The following PCMTD1 variants were observed in gnomAD, a reference collection of about 807,000 sequenced individuals.
The protein encoded by PCMTD1 is protein-L-isoaspartate O-methyltransferase domain-containing protein 1.
A neutral mutation model predicts 37.6 loss-of-function variants in PCMTD1; 12 were observed. That is an observed-to-expected ratio of 0.32 (90% confidence interval 0.20 to 0.52). PCMTD1 has a LOEUF of 0.52. Among genes scored for constraint, PCMTD1 ranks in the 20% least tolerant of loss-of-function variants. The pLI is 0.97. For missense variants in PCMTD1, 235 were observed against 421.3 expected (o/e 0.56, Z 3.87); for synonymous variants, 117 against 135.8 (o/e 0.86, Z 0.96).
At chr8:51,850,016 A>G (rs1466440735) in intron 2 of PCMTD1, 2 of 700,220 alleles carry the variant, frequency 2.9e-6, no homozygotes, top group Admixed American at 4.0e-5. Flanking sequence ...AGTACTTCAC[A>G]ATACATAAAG....
In PCMTD1 at chr8:51,861,075, G is replaced by GTA; in HGVS notation, c.75_76dup (p.Thr26IlefsTer30). On this transcript the variant is annotated frameshift_variant, in exon 2 of 6. Coordinates refer to ENST00000522514, the MANE Select transcript of PCMTD1 (RefSeq NM_052937.4). LOFTEE classifies it high-confidence loss of function. Reference sequence around the variant, plus strand: ...TCTGAAGGCTTGCTCCACTCTTTCAGTACGAATATACTGAGCTTCTTTTAA... The same window carrying GTA: ...TCTGAAGGCTTGCTCCACTCTTTCAGTATACGAATATACTGAGCTTCTTTTAA... 2 of 1,614,062 alleles carry GTA rather than the reference G, an allele frequency of 1.2e-6. No homozygotes were observed. The highest frequency in any genetic ancestry group is 1.7e-6 in the Non-Finnish European group (2 of 1,180,002).
At position 51,875,630 on chromosome 8, in the gene PCMTD1, G is replaced by A. The variant is rs373338707; in HGVS notation, c.-95-14384C>T. Among the ~76,000 whole-genome samples the A allele has an allele frequency of 8.3e-4, 126 of 152,236 alleles. 1 individual carries two copies. Among genetic ancestry groups the A allele is most frequent in the African/African-American group, 2.6e-3 (109 of 41,552 alleles). On this transcript the variant is annotated intron_variant, in intron 1 of 5. Transcript: ENST00000522514. ...TTTTCAACATAAATAAAAATTACAC[G>A]TAAGTAAAGGATCATATAGTGTGGG...
rs534394965 is a variant in PCMTD1 at position 51,878,680 on chromosome 8, T to C, written c.-95-17434A>G. ...AGGATGATCCCTTGAGCCCAAGAGG[T>C]GAAGGCTGCAGCAAGCTGTGATCAC... is the stretch of plus-strand genomic sequence containing the variant. On this transcript the variant is annotated intron_variant, in intron 1 of 5. Transcript: ENST00000522514. Among the ~76,000 whole-genome samples, 4 of 152,170 alleles carry C rather than the reference T, an allele frequency of 2.6e-5. No homozygotes were observed. In the East Asian group the frequency reaches 7.7e-4, roughly 29 times the overall value.
At chr8:51,855,349 G>A (rs528773954) in intron 2 of PCMTD1, among the ~76,000 whole-genome samples, 126 of 148,076 alleles carry the variant, frequency 8.5e-4, no homozygotes, top group African/African-American at 3.0e-3. Context: ...CCAACATGGC[G>A]AAACCCCGTC....
chr8:51,894,084 C>T (rs2038969730), intron 1 of PCMTD1, among the ~76,000 whole-genome samples: 1 of 152,100 alleles, frequency 6.6e-6, no homozygotes, highest in African/African-American at 2.4e-5. Flanking sequence ...CTGTACTACA[C>T]AGACTGGGAG....
At chr8:51,881,400 G>A (rs2129292254) in intron 1 of PCMTD1, among the ~76,000 whole-genome samples, 1 of 152,222 alleles carries the variant, frequency 6.6e-6, no homozygotes, top group Middle Eastern at 3.4e-3. Flanking sequence ...CTCAAGACTA[G>A]GCTCCACAAG....
chr8:51,859,115 A>G (rs1032153541), intron 2 of PCMTD1, among the ~76,000 whole-genome samples: 1 of 152,184 alleles, frequency 6.6e-6, no homozygotes, highest in African/African-American at 2.4e-5. Flanking sequence ...GTTGGCACAT[A>G]CTAGAGAAGG....
chr8:51,821,791 C>CAGT (rs2037852350), intron 5 of PCMTD1, among the ~76,000 whole-genome samples: 1 of 150,224 alleles, frequency 6.7e-6, no homozygotes, highest in Non-Finnish European at 1.5e-5. Context: ...GGCTGGAGTG[C>CAGT]AGTGGCGTGA....
chr8:51,849,718 TA>T (rs1423738544), intron 2 of PCMTD1: 3 of 203,412 alleles, frequency 1.5e-5, no homozygotes, highest in Non-Finnish European at 3.0e-5. Flanking sequence ...TAATTGGATC[TA>T]ATCTAGTTCA....
chr8:51,847,867 T>TA (rs541488653), intron 2 of PCMTD1, among the ~76,000 whole-genome samples: 200 of 152,010 alleles, frequency 1.3e-3, no homozygotes, highest in African/African-American at 4.4e-3. Context: ...TGCTTGAGCC[T>TA]AGGACTTCGA....
At chr8:51,872,416 A>G (rs965292445) in intron 1 of PCMTD1, among the ~76,000 whole-genome samples, 1 of 152,204 alleles carries the variant, frequency 6.6e-6, no homozygotes, top group African/African-American at 2.4e-5. Context: ...GAAGTGCTAC[A>G]CTAACCATCC....
chr8:51,833,390 G>A (rs1378024765), intron 4 of PCMTD1, 128 bp downstream of exon 4: 2 of 687,974 alleles, frequency 2.9e-6, no homozygotes. Flanking sequence ...AAACAAATAA[G>A]ATAAATCTGG....
chr8:51,861,324 A>T (rs1378097627), intron 1 of PCMTD1, 78 bp from the exon 2 acceptor site: 2 of 1,024,868 alleles, frequency 2.0e-6, no homozygotes, highest in African/African-American at 3.2e-5. Flanking sequence ...AATGTATGTC[A>T]TTATAATTAA....
At chr8:51,848,679 T>C (rs1270874775) in intron 2 of PCMTD1, among the ~76,000 whole-genome samples, 1 of 152,210 alleles carries the variant, frequency 6.6e-6, no homozygotes, top group East Asian at 1.9e-4. Context: ...TTTTTCATAC[T>C]ACCTTGACAC....
chr8:51,831,433 G>A lies in PCMTD1; in HGVS notation c.706+11C>T, dbSNP rs1218742711. 18 of 1,610,246 alleles carry A rather than the reference G, an allele frequency of 1.1e-5. No individual in the cohort carries two copies. The highest frequency in any genetic ancestry group is 1.4e-5 in the Non-Finnish European group (17 of 1,178,614). Reference sequence around the variant, plus strand: ...TCATAATTCAATCAGAAAATATGAAGAGCTACTTACGGAGTCCCACAGAAT... The same window carrying A: ...TCATAATTCAATCAGAAAATATGAAAAGCTACTTACGGAGTCCCACAGAAT... On this transcript the variant is annotated intron_variant, in intron 5 of 5. Coordinates refer to ENST00000522514, the MANE Select transcript of PCMTD1 (RefSeq NM_052937.4).
intron 1 of PCMTD1, among the ~76,000 whole-genome samples, chr8:51,868,177 G>A (rs978012922): frequency 1.3e-5 from 2 of 152,064 alleles, no homozygotes; most frequent in Non-Finnish European, 2.9e-5. Context: ...CTTGGTGTGG[G>A]GGGGTGTGGG....
At chr8:51,895,264 G>C (rs957737771) in intron 1 of PCMTD1, among the ~76,000 whole-genome samples, 1 of 152,174 alleles carries the variant, frequency 6.6e-6, no homozygotes, top group African/African-American at 2.4e-5. Context: ...CACCAAGACA[G>C]ACCTTCACAG....
intron 2 of PCMTD1, among the ~76,000 whole-genome samples, chr8:51,854,894 GC>G (rs1269705592): frequency 6.7e-6 from 1 of 149,230 alleles, no homozygotes; most frequent in Non-Finnish European, 1.5e-5. Flanking sequence ...AAAAAAAAAG[GC>G]TAGGCGTGGT....
intron 1 of PCMTD1, among the ~76,000 whole-genome samples, chr8:51,891,305 T>G (rs1306861848): frequency 6.6e-6 from 1 of 152,004 alleles, no homozygotes; most frequent in Non-Finnish European, 1.5e-5. Context: ...TCTAATCCAC[T>G]TTGGGAGGAC....
Sources: gnomAD v4.1 joint callset for allele counts (sites outside exome capture counted in the v4.1 genomes callset) on GRCh38, gnomAD v4.1.1 for gene constraint, MANE v1.5 for transcripts, NCBI Gene and HGNC (gene_info 2026-07-23, HGNC 2026-07-21) for gene names.